Variants in DCC observed in about 807,000 individuals in gnomAD.
The protein encoded by DCC is DCC netrin 1 receptor.
DCC carries 58 observed loss-of-function variants against 172.5 expected under a neutral mutation model. That is an observed-to-expected ratio of 0.34 (90% CI 0.27 to 0.42). The LOEUF (loss-of-function observed/expected upper bound fraction) is 0.42. DCC is among the 10% of genes least tolerant of loss of function. The pLI is 1.00. For synonymous variants in DCC, 709 were observed against 644.5 expected, an observed-to-expected ratio of 1.10 and a Z score of -1.52; for missense variants, 1,740 against 1,791.0, an observed-to-expected ratio of 0.97 and a Z score of 0.51.
chr18:52,702,492 A>T (rs780450320), intron 1 of DCC, among the ~76,000 whole-genome samples: 1 of 152,172 alleles, frequency 6.6e-6, no homozygotes, highest in Non-Finnish European at 1.5e-5. Flanking sequence ...AGTCCTATTT[A>T]TGCCTTTTTC....
intron 1 of DCC, among the ~76,000 whole-genome samples, chr18:52,469,141 T>C (rs1447043003): frequency 6.6e-6 from 1 of 152,180 alleles, no homozygotes; most frequent in East Asian, 1.9e-4. Context: ...CACTGCAAAC[T>C]CTGCCTCCTG....
At chr18:53,244,865 C>A (rs1362890779) in intron 12 of DCC, among the ~76,000 whole-genome samples, 1 of 152,058 alleles carries the variant, frequency 6.6e-6, no homozygotes, top group East Asian at 1.9e-4. Flanking sequence ...ATGAGATACC[C>A]AAATTTAGAT....
At chr18:53,410,258 T>C (rs1456802866) in intron 19 of DCC, among the ~76,000 whole-genome samples, 194 bp from the exon 20 acceptor site, 2 of 152,174 alleles carry the variant, frequency 1.3e-5, no homozygotes, top group Non-Finnish European at 2.9e-5. Context: ...TATTTTCTGA[T>C]TCTGTACATT....
intron 1 of DCC, among the ~76,000 whole-genome samples, chr18:52,610,929 C>A (rs1471300245): frequency 1.3e-5 from 2 of 152,078 alleles, no homozygotes; most frequent in Non-Finnish European, 2.9e-5. Flanking sequence ...AGTTTGCTGA[C>A]TTTTAAGTAG....
At chr18:52,784,159 A>C (rs1333748988) in intron 2 of DCC, among the ~76,000 whole-genome samples, 1 of 151,994 alleles carries the variant, frequency 6.6e-6, no homozygotes, top group Non-Finnish European at 1.5e-5. Flanking sequence ...TTGCTCCCAC[A>C]TGTAATTGAG....
At chr18:52,989,598 G>C in intron 5 of DCC, among the ~76,000 whole-genome samples, 1 of 152,116 alleles carries the variant, frequency 6.6e-6, no homozygotes, top group East Asian at 1.9e-4. Flanking sequence ...ATTGCACCTT[G>C]CCTCATTTTC....
intron 5 of DCC, among the ~76,000 whole-genome samples, chr18:53,045,963 A>G (rs1403839094): frequency 2.0e-5 from 3 of 151,856 alleles, no homozygotes; most frequent in East Asian, 1.9e-4. Flanking sequence ...GTGAGATTTT[A>G]TGAATCTAAC....
intron 12 of DCC, among the ~76,000 whole-genome samples, chr18:53,259,435 G>A (rs865837584): frequency 6.6e-6 from 1 of 152,032 alleles, no homozygotes; most frequent in South Asian, 2.1e-4. Flanking sequence ...GCATTTGCTT[G>A]TCTGTAAAGT....
intron 1 of DCC, among the ~76,000 whole-genome samples, chr18:52,406,015 C>T (rs1000426432): frequency 3.4e-5 from 5 of 148,570 alleles, no homozygotes; most frequent in East Asian, 4.0e-4. Flanking sequence ...AGAAATAACG[C>T]CGCATATCTA....
chr18:52,522,640 C>T (rs1049672241), intron 1 of DCC, among the ~76,000 whole-genome samples: 2 of 152,152 alleles, frequency 1.3e-5, no homozygotes, highest in African/African-American at 4.8e-5. Flanking sequence ...TTTATCATTG[C>T]ATTGTAATTT....
chr18:52,867,643 C>T (rs902893203), intron 2 of DCC, among the ~76,000 whole-genome samples: 1 of 152,020 alleles, frequency 6.6e-6, no homozygotes, highest in East Asian at 1.9e-4. Context: ...TTATCCATTT[C>T]TTCTAGATTT....
intron 5 of DCC, among the ~76,000 whole-genome samples, chr18:53,014,916 A>T (rs555735015): frequency 2.0e-5 from 3 of 152,272 alleles, no homozygotes; most frequent in Non-Finnish European, 4.4e-5. Context: ...ATTTAATTTA[A>T]TTCCCAAGGG....
chr18:52,438,870 A>G (rs1417874690), intron 1 of DCC, among the ~76,000 whole-genome samples: 1 of 152,188 alleles, frequency 6.6e-6, no homozygotes, highest in Admixed American at 6.5e-5. Context: ...AATTACTTAT[A>G]GTCGTGACTG....
chr18:53,513,341 C>T (rs2046283517), intron 27 of DCC, among the ~76,000 whole-genome samples: 1 of 152,162 alleles, frequency 6.6e-6, no homozygotes, highest in Non-Finnish European at 1.5e-5. Flanking sequence ...ACAACCGGTA[C>T]CAGCCGCTGC....
chr18:53,529,020 TCTCTCTCTCTCTCTCTCTCACACACACA>T (rs1463040735), intron 28 of DCC, among the ~76,000 whole-genome samples: 4 of 85,608 alleles, frequency 4.7e-5, no homozygotes, highest in Non-Finnish European at 7.1e-5. Context: ...TCTCTCTCTC[TCTCTCTCTCTCTCTCTCTCACACACACA>T]CACACACACA....
At chr18:53,230,705 G>A (rs149022294) in intron 12 of DCC, among the ~76,000 whole-genome samples, 24 of 151,928 alleles carry the variant, frequency 1.6e-4, no homozygotes, top group African/African-American at 5.8e-4. Flanking sequence ...ATATGTAAAG[G>A]GAGCAAATGC....
intron 7 of DCC, among the ~76,000 whole-genome samples, chr18:53,078,912 C>T (rs1477411294): frequency 6.6e-6 from 1 of 152,120 alleles, no homozygotes; most frequent in South Asian, 2.1e-4. Context: ...AACAGAAAAG[C>T]CAGTTTCCCA....
chr18:52,622,282 C>T (rs1241664192), intron 1 of DCC, among the ~76,000 whole-genome samples: 1 of 152,190 alleles, frequency 6.6e-6, no homozygotes, highest in Non-Finnish European at 1.5e-5. Context: ...AAATACTCAA[C>T]AGCTAAGAGG....
intron 27 of DCC, among the ~76,000 whole-genome samples, chr18:53,508,881 C>T (rs547753350): frequency 6.6e-6 from 1 of 152,310 alleles, no homozygotes; most frequent in African/African-American, 2.4e-5. Flanking sequence ...ATTTGACAGC[C>T]AGGAAGCCAT....
Sources: gnomAD v4.1 joint callset for allele counts (sites outside exome capture counted in the v4.1 genomes callset) on GRCh38, gnomAD v4.1.1 for gene constraint, MANE v1.5 for transcripts, NCBI Gene and HGNC (gene_info 2026-07-23, HGNC 2026-07-21) for gene names.